PIK3C2G: variants seen among roughly 807,000 people sequenced by gnomAD.
PIK3C2G encodes the protein phosphatidylinositol-4-phosphate 3-kinase catalytic subunit type 2 gamma.
In PIK3C2G, 168 loss-of-function variants were observed where a neutral mutation model predicts 181.1. The ratio of observed to expected loss-of-function variants is 0.93; its 90% confidence interval spans 0.82 to 1.05. The LOEUF is 1.05. Ranked by LOEUF, PIK3C2G falls within the 50% of genes least tolerant of loss-of-function variation. The pLI is 0.00. For synonymous variants in PIK3C2G, 573 were observed against 592.2 expected, an observed-to-expected ratio of 0.97 and a Z score of 0.47; for missense variants, 1,869 against 1,732.8, an observed-to-expected ratio of 1.08 and a Z score of -1.40.
the PIK3C2G span, among the ~76,000 whole-genome samples, chr12:18,705,810 G>A: frequency 3.3e-5 from 5 of 152,016 alleles, no homozygotes; most frequent in Non-Finnish European, 5.9e-5. Context: ...AGATTACAAC[G>A]AGCCGAGGTT....
At chr12:18,483,557 T>C (rs923369022) in intron 18 of PIK3C2G, among the ~76,000 whole-genome samples, 1 of 152,164 alleles carries the variant, frequency 6.6e-6, no homozygotes, top group Non-Finnish European at 1.5e-5. Flanking sequence ...ATTACTTTTA[T>C]AGTTTTTTTT....
the PIK3C2G span, among the ~76,000 whole-genome samples, chr12:18,682,390 G>C: frequency 2.6e-5 from 4 of 151,936 alleles, no homozygotes; most frequent in African/African-American, 9.7e-5. Context: ...GTCAAACTTT[G>C]TGCTGGGTGC....
intron 5 of PIK3C2G, among the ~76,000 whole-genome samples, chr12:18,294,507 T>A (rs750334369): frequency 6.6e-6 from 1 of 152,038 alleles, no homozygotes; most frequent in Non-Finnish European, 1.5e-5. Context: ...ACTTACTTTT[T>A]ATGGAAGAGT....
At chr12:18,340,094 T>C (rs139485371) in intron 9 of PIK3C2G, among the ~76,000 whole-genome samples, 112 of 152,240 alleles carry the variant, frequency 7.4e-4, no homozygotes, top group African/African-American at 2.6e-3. Flanking sequence ...CCTAGTGCCT[T>C]TACAAATAAC....
the PIK3C2G span, among the ~76,000 whole-genome samples, chr12:18,662,338 A>G: frequency 6.6e-6 from 1 of 152,102 alleles, no homozygotes. Context: ...TTTTTAAAAA[A>G]CACAAAATTG....
chr12:18,425,044 A>T (rs1247412854), intron 18 of PIK3C2G: 2 of 181,208 alleles, frequency 1.1e-5, no homozygotes, highest in Non-Finnish European at 2.4e-5. Flanking sequence ...GATGCTGATG[A>T]TGATTCAGCA....
At chr12:18,503,463 A>C (rs1941635590) in intron 23 of PIK3C2G, 46 bp downstream of exon 23, 1 of 1,373,704 alleles carries the variant, frequency 7.3e-7, no homozygotes, top group East Asian at 2.5e-5. Context: ...TTAAATAAGA[A>C]TATGCTCTGG....
intron 22 of PIK3C2G, among the ~76,000 whole-genome samples, chr12:18,502,868 C>T (rs1941587918): frequency 6.6e-6 from 1 of 152,000 alleles, no homozygotes; most frequent in Admixed American, 6.6e-5. Context: ...AATATATGTG[C>T]AATGTTTGTT....
the PIK3C2G span, among the ~76,000 whole-genome samples, chr12:18,715,437 TG>T: frequency 1.4e-4 from 21 of 151,640 alleles, no homozygotes; most frequent in Non-Finnish European, 2.7e-4. Context: ...AGTCTCGCTC[TG>T]TCGCCCAGAC....
intron 12 of PIK3C2G, among the ~76,000 whole-genome samples, chr12:18,370,025 A>C (rs1941934152): frequency 6.7e-6 from 1 of 149,840 alleles, no homozygotes; most frequent in Non-Finnish European, 1.5e-5. Flanking sequence ...CGATCGTATA[A>C]TTGACATATG....
chr12:18,553,109 T>C (rs1300691644), intron 26 of PIK3C2G, among the ~76,000 whole-genome samples: 1 of 152,090 alleles, frequency 6.6e-6, no homozygotes, highest in African/African-American at 2.4e-5. Flanking sequence ...ACCCTACGCA[T>C]TGCATACAAT....
At chr12:18,424,122 C>A (rs773952887) in intron 18 of PIK3C2G, 83 bp downstream of exon 18, 152 of 801,180 alleles carry the variant, frequency 1.9e-4, no homozygotes, top group Non-Finnish European at 2.8e-4. Flanking sequence ...CAGAATATTT[C>A]TTTACCTTAT....
At chr12:18,415,946 T>C (rs1945151092) in intron 16 of PIK3C2G, among the ~76,000 whole-genome samples, 1 of 152,128 alleles carries the variant, frequency 6.6e-6, no homozygotes, top group African/African-American at 2.4e-5. Context: ...AGTTGGTTCA[T>C]AAGGTTTAAG....
At chr12:18,646,569 A>G (rs1950145202) in intron 32 of PIK3C2G, among the ~76,000 whole-genome samples, 2 of 152,184 alleles carry the variant, frequency 1.3e-5, no homozygotes, top group South Asian at 4.1e-4. Context: ...AGCTAAATCC[A>G]TGCTCACAGG....
chr12:18,396,424 A>C (rs1317329932), intron 15 of PIK3C2G, among the ~76,000 whole-genome samples: 5 of 151,732 alleles, frequency 3.3e-5, no homozygotes, highest in African/African-American at 4.8e-5. Context: ...TCATGCAAGA[A>C]TGAATGCTTT....
chr12:18,570,723 A>G (rs1285330701), intron 29 of PIK3C2G, among the ~76,000 whole-genome samples: 1 of 150,318 alleles, frequency 6.7e-6, no homozygotes, highest in Admixed American at 6.6e-5. Context: ...TAGCATATCT[A>G]TGCAATGCAA....
chr12:18,375,077 G>A (rs1012903400), intron 13 of PIK3C2G, among the ~76,000 whole-genome samples: 5 of 152,196 alleles, frequency 3.3e-5, no homozygotes, highest in African/African-American at 7.2e-5. Context: ...GTAGGGTATT[G>A]CTATGAAGAT....
intron 14 of PIK3C2G, among the ~76,000 whole-genome samples, chr12:18,382,387 A>C (rs1942900241): frequency 6.6e-6 from 1 of 152,178 alleles, no homozygotes; most frequent in Admixed American, 6.5e-5. Context: ...TGATCATAAA[A>C]GAAAGGTGGT....
intron 18 of PIK3C2G, among the ~76,000 whole-genome samples, chr12:18,461,853 T>C (rs7297139): frequency 0.16 from 24,344 of 152,106 alleles, 2,324 homozygotes; most frequent in African/African-American, 0.27. Context: ...GTGCATGGTA[T>C]TTTGTTATAG....
Sources: gnomAD v4.1 joint callset for allele counts (sites outside exome capture counted in the v4.1 genomes callset) on GRCh38, gnomAD v4.1.1 for gene constraint, MANE v1.5 for transcripts, NCBI Gene and HGNC (gene_info 2026-07-23, HGNC 2026-07-21) for gene names.